The following PCDHGA3 variants were observed in gnomAD, a reference collection of about 807,000 sequenced individuals.
PCDHGA3 encodes the protein protocadherin gamma subfamily A, 3, also known as protocadherin gamma-A3.
Under a neutral mutation model 58.5 loss-of-function variants are expected in PCDHGA3, and 40 were observed. That is an observed-to-expected ratio of 0.68 (90% CI 0.53 to 0.89). PCDHGA3 has a LOEUF of 0.89. PCDHGA3 is among the 40% of genes least tolerant of loss of function. The pLI is 0.00. For missense variants in PCDHGA3, 1,223 were observed against 1,195.9 expected (o/e 1.02, Z -0.33); for synonymous variants, 530 against 525.7 (o/e 1.01, Z -0.11).
At chr5:141,405,355 A>G in intron 1 of PCDHGA3, 2 of 1,613,990 alleles carry the variant, frequency 1.2e-6, no homozygotes, top group South Asian at 1.1e-5. Flanking sequence ...AGTTTCCTAT[A>G]GAAGACACCC....
At position 141,365,064 on chromosome 5, in the gene PCDHGA3, C is replaced by T. The variant is rs779776168; in HGVS notation, c.2424+18607C>T. 5 of 1,613,856 alleles carry T rather than the reference C, an allele frequency of 3.1e-6. No homozygotes were observed. The Middle Eastern group carries it at 6.6e-4, about 213-fold the overall frequency. ...GACAATGCGCCCCTGTTCACCCCAT[C>T]CGAGTACAGCGTGAGTGTTCCAGAG... On this transcript the variant is annotated intron_variant, in intron 1 of 3. Coordinates refer to ENST00000253812, the MANE Select transcript of PCDHGA3 (RefSeq NM_018916.4).
Position 141,346,105 on chromosome 5 carries a change from T to C in PCDHGA3, c.2072T>C (p.Leu691Pro). 1 of 1,613,882 alleles carries C rather than the reference T, an allele frequency of 6.2e-7. No individual in the cohort carries two copies. The highest frequency in any genetic ancestry group is 1.1e-5 in the South Asian group (1 of 91,060). The change falls in exon 1 of 4, where the codon CTG (leucine) becomes CCG (proline). Residue 691 changes from leucine (L) to proline (P), a missense_variant. Transcript: ENST00000253812. ...SAKPNDSDLT[L>P]YLVVAVAAVS... ...AAACCCAACGATTCGGACCTCACTC[T>C]GTACCTGGTGGTGGCGGTGGCCGCG... is the stretch of plus-strand genomic sequence containing the variant.
At chr5:141,360,274 G>T (rs1171208146) in intron 1 of PCDHGA3, 9 of 1,613,806 alleles carry the variant, frequency 5.6e-6, no homozygotes, top group Non-Finnish European at 5.9e-6. Context: ...AAACTCGGTC[G>T]TAGGAAACCT....
rs753531988 is a variant in PCDHGA3, at chr5:141,344,355, A to G, written c.322A>G (p.Ile108Val). The stretch of plus-strand genomic sequence containing the variant: ...CCCGCTGTGTCTGGTAAAAATTAAC[A>G]TTCTGGTTGAGGATAAATTGAAAAT... The part of the protein sequence containing the change: ...QIPLCLVKIN[I>V]LVEDKLKIFE... Residue 108 changes from isoleucine (I) to valine (V), a missense_variant, in exon 1 of 4, where the codon ATT (isoleucine) becomes GTT (valine). Coordinates refer to ENST00000253812, the MANE Select transcript of PCDHGA3 (RefSeq NM_018916.4). 1 of 1,613,876 alleles carries G rather than the reference A, an allele frequency of 6.2e-7. No individual in the cohort carries two copies. Among genetic ancestry groups the G allele is most frequent in the Middle Eastern group, 1.7e-4 (1 of 6,060 alleles).
At chr5:141,450,080 C>G (rs140080701) in intron 1 of PCDHGA3, among the ~76,000 whole-genome samples, 6,313 of 144,358 alleles carry the variant, frequency 0.044, 398 homozygotes, top group Admixed American at 0.19. Context: ...GATCTTGGCT[C>G]ACTGCAACCT....
At chr5:141,357,452 A>C in intron 1 of PCDHGA3, 1 of 1,614,228 alleles carries the variant, frequency 6.2e-7, no homozygotes, top group Non-Finnish European at 8.5e-7. Context: ...GCTTTCCTGC[A>C]GACCTATTCC....
chr5:141,511,077 T>C lies in PCDHGA3; in HGVS notation c.2703T>C (p.Asn901=), dbSNP rs1279500774. ...YRQNVYIPGS[N]ATLTNAAGKR... is the part of the protein sequence containing the mutation. ...AGAATGTCTACATCCCAGGCAGCAA[T>C]GCCACACTGACCAACGCAGCTGGCA... is the stretch of plus-strand genomic sequence containing the variant. Residue 901 remains asparagine, a synonymous_variant, in exon 4 of 4, where the codon AAT becomes AAC. Transcript: ENST00000253812. 5 of 1,614,062 alleles carry C rather than the reference T, an allele frequency of 3.1e-6. No individual in the cohort carries two copies. The African/African-American group carries it at 6.7e-5, about 22-fold the overall frequency.
chr5:141,419,085 C>T (rs759272094), intron 1 of PCDHGA3: 1 of 1,613,936 alleles, frequency 6.2e-7, no homozygotes, highest in Non-Finnish European at 8.5e-7. Flanking sequence ...ACAGATGAGG[C>T]CCTGGATCGG....
rs1449032006 is a variant in PCDHGA3 at position 141,438,617 on chromosome 5, TATATATATATATATATATAC to T, written c.2425-56188_2425-56169del. 2.9e-3 allele frequency among the ~76,000 whole-genome samples: 107 copies of T among 37,156 alleles called. 1 individual carries two copies. Among genetic ancestry groups the T allele is most frequent in the South Asian group, 0.015 (15 of 996 alleles). 24.4% of individuals were successfully genotyped at this position (37,156 alleles called of 152,430 possible). On this transcript the variant is annotated intron_variant, in intron 1 of 3. Transcript: ENST00000253812. Reference sequence around the variant, plus strand: ...ATATATATATATATATATATATATATATATATATATATATATATACACACACACACACACATATATGTATA... The same window carrying T: ...ATATATATATATATATATATATATATACACACACACACACATATATGTATA...
At chr5:141,375,743 G>T (rs1306571091) in intron 1 of PCDHGA3, 1 of 1,614,120 alleles carries the variant, frequency 6.2e-7, no homozygotes, top group African/African-American at 1.3e-5. Flanking sequence ...GTTTGTGCTG[G>T]ACCAGAATGA....
chr5:141,386,359 C>T (rs566341507), intron 1 of PCDHGA3, among the ~76,000 whole-genome samples: 1 of 152,132 alleles, frequency 6.6e-6, no homozygotes, highest in Non-Finnish European at 1.5e-5. Flanking sequence ...AATCTTGATT[C>T]CAGAGACCTT....
chr5:141,384,852 G>A, intron 1 of PCDHGA3: 1 of 1,613,646 alleles, frequency 6.2e-7, no homozygotes, highest in Non-Finnish European at 8.5e-7. Context: ...ACCACGGTCA[G>A]CCTCCTCTGT....
intron 1 of PCDHGA3, chr5:141,393,135 A>T: frequency 6.2e-7 from 1 of 1,613,294 alleles, no homozygotes; most frequent in Non-Finnish European, 8.5e-7. Context: ...AAATATTAAC[A>T]CCCTGGTTGA....
At position 141,344,707 on chromosome 5, in the gene PCDHGA3, A is replaced by G. The variant is rs1283845121; in HGVS notation, c.674A>G (p.Asn225Ser). The G allele has an allele frequency of 6.2e-7, 1 of 1,613,856 alleles. No homozygotes were observed. Among genetic ancestry groups the G allele is most frequent in the Admixed American group, 1.7e-5 (1 of 59,998 alleles). Residue 225 changes from asparagine (N) to serine (S), a missense_variant, in exon 1 of 4, where the codon AAC becomes AGC. By Grantham distance (46) the Asn-to-Ser change is conservative. Coordinates refer to ENST00000253812, the MANE Select transcript of PCDHGA3 (RefSeq NM_018916.4). ...SDGGDPVHSG[N>S]LHIQVIVLDA... Reference sequence around the variant, plus strand: ...GGTGGCGACCCTGTCCACTCTGGCAACTTGCACATCCAAGTGATAGTCCTG... The same window carrying G: ...GGTGGCGACCCTGTCCACTCTGGCAGCTTGCACATCCAAGTGATAGTCCTG...
chr5:141,357,302 C>T, intron 1 of PCDHGA3: 1 of 1,614,086 alleles, frequency 6.2e-7, no homozygotes, highest in Non-Finnish European at 8.5e-7. Flanking sequence ...GCCGCTGTCT[C>T]CTGCGTCTTC....
At chr5:141,362,856 C>T (rs1331872357) in intron 1 of PCDHGA3, among the ~76,000 whole-genome samples, 2 of 152,238 alleles carry the variant, frequency 1.3e-5, no homozygotes, top group Non-Finnish European at 2.9e-5. Context: ...ATTAGTTTCA[C>T]CTTCAGGCTC....
Position 141,487,928 on chromosome 5 carries a change from A to G in PCDHGA3, c.2425-6879A>G. Reference sequence around the variant, plus strand: ...GGGAGCACAGGAGGCTACAGTGCACAGGGTACAGTGCACCAGGCAGTCACT... The same window carrying G: ...GGGAGCACAGGAGGCTACAGTGCACGGGGTACAGTGCACCAGGCAGTCACT... On this transcript the variant is annotated intron_variant, in intron 1 of 3. Transcript: ENST00000253812. The surrounding 1 kb of genome is among the most constrained non-coding windows in gnomAD (Gnocchi z 5.0). The G allele has an allele frequency of 3.2e-6, 2 of 620,886 alleles. No homozygotes were observed. The highest frequency in any genetic ancestry group is 5.6e-6 in the Non-Finnish European group (2 of 355,916). The allele number at this position is 620,886 out of a possible 1,614,324, so 38.5% of individuals were successfully genotyped here. A position where few individuals can be genotyped will look rare whatever the true frequency, so the allele number is the denominator to read the frequency against.
intron 1 of PCDHGA3, among the ~76,000 whole-genome samples, chr5:141,401,931 A>C: frequency 6.6e-6 from 1 of 152,352 alleles, no homozygotes; most frequent in Middle Eastern, 3.4e-3. Context: ...GATGCTTAGA[A>C]TAATGTTTAA....
chr5:141,372,340 G>C, intron 1 of PCDHGA3: 1 of 1,613,790 alleles, frequency 6.2e-7, no homozygotes, highest in Non-Finnish European at 8.5e-7. Flanking sequence ...GTGCGTGATG[G>C]AGGACAGCAG....
Sources: allele counts gnomAD v4.1 joint callset (sites outside exome capture counted in the v4.1 genomes callset), GRCh38; gene constraint gnomAD v4.1.1; non-coding constraint Gnocchi (gnomAD v3.1); transcripts MANE v1.5; gene names NCBI Gene and HGNC (gene_info 2026-07-23, HGNC 2026-07-21).